Variants in LRRIQ1 observed in about 807,000 individuals in gnomAD.
LRRIQ1 encodes leucine rich repeats and IQ motif containing 1.
A neutral mutation model predicts 211.9 loss-of-function variants in LRRIQ1; 210 were observed. That is an observed-to-expected ratio of 0.99 (90% CI 0.89 to 1.11). The LOEUF is 1.11. Ranked by LOEUF, LRRIQ1 falls within the 50% of genes most tolerant of loss-of-function variation. LRRIQ1 has a pLI of 0.00. For missense variants in LRRIQ1, 2,136 were observed against 1,939.5 expected (o/e 1.10, Z -1.90); for synonymous variants, 699 against 650.1 (o/e 1.08, Z -1.14).
At chr12:85,248,754 G>C (rs372775160), downstream of LRRIQ1, among the ~76,000 whole-genome samples, 1 of 151,782 alleles carries the variant, frequency 6.6e-6, no homozygotes, top group Admixed American at 6.6e-5. Context: ...GGCACTATTC[G>C]TGATTTGTGC....
chr12:85,116,228 C>T (rs1168699730), intron 15 of LRRIQ1, among the ~76,000 whole-genome samples: 2 of 152,104 alleles, frequency 1.3e-5, no homozygotes, highest in Non-Finnish European at 2.9e-5. Flanking sequence ...CTGCAAGCTC[C>T]GCCTCCCGGG....
At chr12:85,142,484 G>A (rs895338576) in intron 19 of LRRIQ1, among the ~76,000 whole-genome samples, 3 of 151,402 alleles carry the variant, frequency 2.0e-5, no homozygotes, top group Middle Eastern at 3.4e-3. Flanking sequence ...ACTTTCATTC[G>A]CTCTCAACAT....
chr12:85,055,678 A>G lies in LRRIQ1; in HGVS notation c.885A>G (p.Lys295=). 6.2e-7 allele frequency: 1 copy of G among 1,606,512 alleles called. No homozygotes were observed. Among genetic ancestry groups the G allele is most frequent in the Non-Finnish European group, 8.5e-7 (1 of 1,177,820 alleles). Residue 295 remains lysine, a synonymous_variant, in exon 8 of 27, where the codon AAA becomes AAG. Transcript: ENST00000393217. ...CTGTTAAAATTCAAGCTAAATATAA[A>G]GCATTTGTTGCCTATCAAAAATATG... ...NAAVKIQAKY[K]AFVAYQKYGP...
At chr12:85,062,627 G>A (rs530900058) in intron 8 of LRRIQ1, among the ~76,000 whole-genome samples, 1 of 150,250 alleles carries the variant, frequency 6.7e-6, no homozygotes, top group African/African-American at 2.5e-5. Context: ...TTGATTCCAT[G>A]TCTTTGGTAT....
At chr12:85,039,308 G>A (rs1179560158) in intron 2 of LRRIQ1, among the ~76,000 whole-genome samples, 1 of 151,086 alleles carries the variant, frequency 6.6e-6, no homozygotes, top group Non-Finnish European at 1.5e-5. Context: ...TTATTACCAG[G>A]GGAAAAAATT....
intron 1 of LRRIQ1, among the ~76,000 whole-genome samples, chr12:85,256,643 G>A (rs549957402): frequency 1.3e-5 from 2 of 151,478 alleles, no homozygotes; most frequent in Non-Finnish European, 3.0e-5. Context: ...ATAAGTATTT[G>A]TTTTATACAA....
At position 85,212,966 on chromosome 12, in the gene LRRIQ1, A is replaced by G. The variant is rs145102018; in HGVS notation, c.4823-16551A>G. Among the ~76,000 whole-genome samples the G allele has an allele frequency of 5.8e-3, 877 of 151,644 alleles. 14 individuals carry two copies. Among genetic ancestry groups the G allele is most frequent in the African/African-American group, 0.02 (835 of 41,490 alleles). On this transcript the variant is annotated intron_variant, in intron 24 of 26. Transcript: ENST00000393217. The stretch of plus-strand genomic sequence containing the variant: ...GTAAAAAAAAAATAACACAGTACAG[A>G]TGGCATATAGAAGGCACAAAATGAG...
At chr12:85,236,855 A>ATATATATATATATC (rs1401058179) in intron 26 of LRRIQ1, among the ~76,000 whole-genome samples, 2 of 144,744 alleles carry the variant, frequency 1.4e-5, no homozygotes, top group African/African-American at 5.2e-5. Flanking sequence ...ATATATATAT[A>ATATATATATATATC]TCTCCCAGAT....
chr12:85,138,757 C>G (rs1333895635), intron 19 of LRRIQ1, among the ~76,000 whole-genome samples: 1 of 151,416 alleles, frequency 6.6e-6, no homozygotes, highest in Non-Finnish European at 1.5e-5. Flanking sequence ...ATCTTTTATG[C>G]TAGAAAAAAA....
At chr12:85,180,134 T>G (rs1212826241) in intron 24 of LRRIQ1, among the ~76,000 whole-genome samples, 1 of 151,976 alleles carries the variant, frequency 6.6e-6, no homozygotes, top group African/African-American at 2.4e-5. Context: ...AAGCTATAAG[T>G]TTCCCTGTCT....
intron 7 of LRRIQ1, among the ~76,000 whole-genome samples, chr12:85,053,259 A>C (rs888282758): frequency 2.4e-4 from 36 of 152,136 alleles, no homozygotes; most frequent in Non-Finnish European, 4.7e-4. Flanking sequence ...AGAAGCAAAG[A>C]GGTAAAGAGA....
At chr12:85,066,056 C>T (rs1253271675) in intron 9 of LRRIQ1, among the ~76,000 whole-genome samples, 1 of 151,836 alleles carries the variant, frequency 6.6e-6, no homozygotes, top group Non-Finnish European at 1.5e-5. Context: ...GCCCTGAGGT[C>T]ATGTGGAAGG....
chr12:85,114,272 G>A (rs906766529), intron 15 of LRRIQ1, among the ~76,000 whole-genome samples: 3 of 151,910 alleles, frequency 2.0e-5, no homozygotes, highest in Non-Finnish European at 2.9e-5. Context: ...TAACTATACG[G>A]GCCAAGCCTA....
At chr12:85,051,241 C>T (rs1188184372) in intron 6 of LRRIQ1, among the ~76,000 whole-genome samples, 4 of 152,070 alleles carry the variant, frequency 2.6e-5, no homozygotes, top group Admixed American at 1.3e-4. Flanking sequence ...TTCTCTTCCA[C>T]CGTGAGTAAA....
intron 8 of LRRIQ1, among the ~76,000 whole-genome samples, chr12:85,061,551 T>C (rs1881805529): frequency 6.6e-6 from 1 of 151,756 alleles, no homozygotes; most frequent in African/African-American, 2.4e-5. Flanking sequence ...TAACTAGAAC[T>C]TAATTGTGCT....
intron 24 of LRRIQ1, among the ~76,000 whole-genome samples, chr12:85,186,742 G>A (rs2660452): frequency 0.017 from 2,648 of 151,900 alleles, 76 homozygotes; most frequent in African/African-American, 0.061. Flanking sequence ...TTGTCTTAGA[G>A]CATTGTTTTA....
At chr12:85,041,138 TGACA>T (rs1246622899) in intron 3 of LRRIQ1, among the ~76,000 whole-genome samples, 3 of 151,698 alleles carry the variant, frequency 2.0e-5, no homozygotes, top group African/African-American at 4.8e-5. Flanking sequence ...TTTTTAAAAA[TGACA>T]GACAAATATT....
At chr12:85,195,375 A>G (rs1892844684) in intron 24 of LRRIQ1, among the ~76,000 whole-genome samples, 1 of 151,794 alleles carries the variant, frequency 6.6e-6, no homozygotes, top group African/African-American at 2.4e-5. Flanking sequence ...AACAAAAAAA[A>G]GAGAATTTTA....
chr12:85,055,304 A>G (rs573520988), intron 7 of LRRIQ1, among the ~76,000 whole-genome samples: 40 of 152,138 alleles, frequency 2.6e-4, no homozygotes, highest in African/African-American at 8.2e-4. Context: ...TCTTCAATTC[A>G]TATCTGGGTG....
Sources: allele counts gnomAD v4.1 joint callset (sites outside exome capture counted in the v4.1 genomes callset), GRCh38; gene constraint gnomAD v4.1.1; transcripts MANE v1.5; gene names NCBI Gene and HGNC (gene_info 2026-07-23, HGNC 2026-07-21).